Variants in MYOF observed in about 807,000 individuals in gnomAD.
The protein encoded by MYOF is fer-1-like 3, myoferlin.
A neutral mutation model predicts 284.2 loss-of-function variants in MYOF; 244 were observed. That is an observed-to-expected ratio of 0.86 (90% CI 0.77 to 0.95). The LOEUF is 0.95. Ranked by LOEUF, MYOF falls within the 40% of genes least tolerant of loss-of-function variation. MYOF has a pLI of 0.00. For missense variants in MYOF, 2,496 were observed against 2,560.6 expected, an observed-to-expected ratio of 0.97 and a Z score of 0.54; for synonymous variants, 904 against 919.7, an observed-to-expected ratio of 0.98 and a Z score of 0.31.
intron 19 of MYOF, among the ~76,000 whole-genome samples, chr10:93,387,069 T>C (rs1846409969): frequency 6.6e-6 from 1 of 152,218 alleles, no homozygotes; most frequent in South Asian, 2.1e-4. Context: ...AACCACGTTG[T>C]CACCCTTTTT....
At chr10:93,427,223 A>C (rs1045403384) in intron 4 of MYOF, among the ~76,000 whole-genome samples, 3 of 151,874 alleles carry the variant, frequency 2.0e-5, no homozygotes, top group Non-Finnish European at 4.4e-5. Context: ...AAAACAAAAA[A>C]AAACAGAGAG....
chr10:93,407,605 G>T (rs1307691807), intron 7 of MYOF, among the ~76,000 whole-genome samples: 1 of 151,352 alleles, frequency 6.6e-6, no homozygotes, highest in Non-Finnish European at 1.5e-5. Flanking sequence ...GGGCGTGGTG[G>T]CGGGCGCCTG....
chr10:93,354,012 C>G, intron 31 of MYOF, 124 bp from the exon 32 acceptor site: 1 of 685,016 alleles, frequency 1.5e-6, no homozygotes, highest in Non-Finnish European at 2.4e-6. Context: ...TATAGTTCCC[C>G]ACAGTAAAGA....
chr10:93,323,512 C>A (rs1401719385), intron 46 of MYOF, 154 bp from the exon 47 acceptor site: 3 of 696,048 alleles, frequency 4.3e-6, no homozygotes, highest in Non-Finnish European at 7.0e-6. Context: ...AGAGAGCAAA[C>A]CAAGGTTAAT....
rs890058220 is a variant in MYOF, at chr10:93,356,687, A to C, written c.3282T>G (p.Leu1094=). 5.0e-6 allele frequency: 8 copies of C among 1,612,924 alleles called. No individual in the cohort carries two copies. Among genetic ancestry groups the C allele is most frequent in the Non-Finnish European group, 6.8e-6 (8 of 1,179,646 alleles). The change falls in exon 30 of 54, where the codon CTT becomes CTG. Residue 1094 remains leucine, a synonymous_variant. Transcript: ENST00000359263. ...ETHGAAAIFK[L]EGALGADTTE... ...ACCTAGTACTTACAAGGGCACCTTC[A>C]AGTTTAAAGATGGCAGCTGCACCAT...
chr10:93,424,184 C>T (rs1484900132), intron 5 of MYOF, among the ~76,000 whole-genome samples: 1 of 152,092 alleles, frequency 6.6e-6, no homozygotes, highest in Non-Finnish European at 1.5e-5. Context: ...ACCTAGGAAA[C>T]TAATAAACAG....
chr10:93,387,984 G>A (rs1846478450), intron 18 of MYOF, 71 bp from the exon 19 acceptor site: 1 of 1,249,626 alleles, frequency 8.0e-7, no homozygotes, highest in Admixed American at 1.7e-5. Context: ...CTCTAGTCAG[G>A]CTAATACAAC....
chr10:93,333,888 G>C lies in MYOF; in HGVS notation c.4589C>G (p.Pro1530Arg), dbSNP rs748793608. The change falls in exon 42 of 54, where the codon CCG becomes CGG. Residue 1530 changes from proline (P) to arginine (R), a missense_variant. By Grantham distance (103) the Pro-to-Arg change is moderately radical. Coordinates refer to ENST00000359263, the MANE Select transcript of MYOF (RefSeq NM_013451.4). ...AGGGGCTGGCACGCTGGGGTCATCC[G>C]GCAGAGGGTAGATCCGAAAGGAGCC... ...FKGSFRIYPL[P>R]DDPSVPAPPR... 5 of 1,614,018 alleles carry C rather than the reference G, an allele frequency of 3.1e-6. No individual in the cohort carries two copies. The highest frequency in any genetic ancestry group is 3.4e-6 in the Non-Finnish European group (4 of 1,180,008).
chr10:93,351,380 AC>A, intron 34 of MYOF, 32 bp downstream of exon 34: 1 of 1,611,640 alleles, frequency 6.2e-7, no homozygotes, highest in Non-Finnish European at 8.5e-7. Context: ...TAAGCAGCTG[AC>A]AGAATACATG....
intron 9 of MYOF, 34 bp downstream of exon 9, chr10:93,403,989 T>C (rs1308877868): frequency 1.2e-6 from 2 of 1,605,556 alleles, no homozygotes; most frequent in Non-Finnish European, 8.5e-7. Context: ...CTCATCTTTC[T>C]GTAAGTTGAA....
intron 3 of MYOF, among the ~76,000 whole-genome samples, chr10:93,451,418 C>A (rs1459460853): frequency 6.6e-6 from 1 of 152,016 alleles, no homozygotes; most frequent in Non-Finnish European, 1.5e-5. Flanking sequence ...AAGTCCAGAT[C>A]CAGGACTAGG....
In MYOF at chr10:93,397,305, CAG is replaced by C; in HGVS notation, c.1291-17_1291-16del. 6.3e-7 allele frequency: 1 copy of C among 1,597,768 alleles called. No individual in the cohort carries two copies. The highest frequency in any genetic ancestry group is 8.6e-7 in the Non-Finnish European group (1 of 1,169,290). On this transcript the variant is annotated splice_polypyrimidine_tract_variant and intron_variant, in intron 14 of 53. Coordinates refer to ENST00000359263, the MANE Select transcript of MYOF (RefSeq NM_013451.4). Reference sequence around the variant, plus strand: ...ACTGAAGGAAACTAAAAAAATGAGACAGAAAAAAGTAGTTATTTCTCAATGAT... The same window carrying C: ...ACTGAAGGAAACTAAAAAAATGAGACAAAAAAGTAGTTATTTCTCAATGAT...
At chr10:93,345,194 C>T (rs1844130838) in intron 37 of MYOF, among the ~76,000 whole-genome samples, 1 of 152,172 alleles carries the variant, frequency 6.6e-6, no homozygotes, top group Admixed American at 6.5e-5. Context: ...TTTCGGTACC[C>T]ACCATGTGCT....
intron 26 of MYOF, among the ~76,000 whole-genome samples, chr10:93,365,778 T>C (rs1845296818): frequency 6.6e-6 from 1 of 152,176 alleles, no homozygotes; most frequent in African/African-American, 2.4e-5. Context: ...TGGGGAACAC[T>C]AAGATAGTCT....
intron 1 of MYOF, among the ~76,000 whole-genome samples, chr10:93,458,776 G>C (rs1442828286): frequency 1.3e-5 from 2 of 152,190 alleles, no homozygotes; most frequent in Non-Finnish European, 2.9e-5. Flanking sequence ...GGTCTTGCTA[G>C]GATTTGAGAC....
At position 93,401,560 on chromosome 10, in the gene MYOF, G is replaced by T; in HGVS notation, c.991-16C>A. On this transcript the variant is annotated splice_polypyrimidine_tract_variant and intron_variant, in intron 11 of 53. Coordinates refer to ENST00000359263, the MANE Select transcript of MYOF (RefSeq NM_013451.4). ...GTCTCTCAGGCTATTAGGGGCACAT[G>T]ATTTAAATTATACATACAGAAAAGC... The T allele has an allele frequency of 6.2e-7, 1 of 1,612,696 alleles. No individual in the cohort carries two copies. Among genetic ancestry groups the T allele is most frequent in the Non-Finnish European group, 8.5e-7 (1 of 1,179,538 alleles).
chr10:93,324,583 A>C (rs761826000), intron 46 of MYOF: 1 of 152,166 alleles, frequency 6.6e-6, no homozygotes, highest in Non-Finnish European at 1.5e-5. Context: ...GGGTGAGAGG[A>C]GAGAAAGAAG....
In MYOF at chr10:93,401,453, A is replaced by G. The variant is rs1564687215; in HGVS notation, c.1082T>C (p.Leu361Ser). ...AGIALRWVTF[L>S]LKIYRAEDIP... Reference sequence around the variant, plus strand: ...GTCCTCAGCTCGGTAGATTTTCAGCAAGAAGGTCACCCACCGGAGGGCAAT... The same window carrying G: ...GTCCTCAGCTCGGTAGATTTTCAGCGAGAAGGTCACCCACCGGAGGGCAAT... Residue 361 changes from leucine (L) to serine (S), a missense_variant, in exon 12 of 54, where the codon TTG becomes TCG. Leu to Ser is a moderately radical substitution (Grantham distance 145). Around this residue, in one of 3 missense-constraint regions of MYOF, gnomAD observed 2,436 missense variants for 2,480.7 expected, o/e 0.98. Transcript: ENST00000359263. 1 of 1,614,188 alleles carries G rather than the reference A, an allele frequency of 6.2e-7. No homozygotes were observed. The highest frequency in any genetic ancestry group is 1.3e-5 in the African/African-American group (1 of 75,044).
At chr10:93,409,996 A>G (rs918673943) in intron 5 of MYOF, among the ~76,000 whole-genome samples, 1 of 152,216 alleles carries the variant, frequency 6.6e-6, no homozygotes, top group Admixed American at 6.5e-5. Context: ...GGCAGAGATC[A>G]CAGGGACAAT....
Sources: gnomAD v4.1 joint callset for allele counts (sites outside exome capture counted in the v4.1 genomes callset) on GRCh38, gnomAD v4.1.1 for gene constraint, gnomAD v4.1.1 regional missense constraint, MANE v1.5 for transcripts, NCBI Gene and HGNC (gene_info 2026-07-23, HGNC 2026-07-21) for gene names.